CFAP54: variants seen among roughly 807,000 people sequenced by gnomAD.
CFAP54 encodes the protein cilia and flagella associated protein 54, also known as cilia- and flagella-associated protein 54.
A neutral mutation model predicts 370.4 loss-of-function variants in CFAP54; 290 were observed. That is an observed-to-expected ratio of 0.78 (90% CI 0.71 to 0.86). CFAP54 has a LOEUF of 0.86. Ranked by LOEUF, CFAP54 falls within the 40% of genes least tolerant of loss-of-function variation. The pLI, the probability that CFAP54 is intolerant of heterozygous loss-of-function variation, is 0.00. For missense variants in CFAP54, 3,399 were observed against 3,528.7 expected (o/e 0.96, Z 0.93); for synonymous variants, 1,206 against 1,236.5 (o/e 0.98, Z 0.52).
At chr12:96,775,183 G>A (rs34470) in intron 60 of CFAP54, among the ~76,000 whole-genome samples, 82,695 of 151,734 alleles carry the variant, frequency 0.55, 22,789 homozygotes, top group South Asian at 0.64. Flanking sequence ...TAATCCTGAC[G>A]CTTTGGGAAG....
At chr12:96,676,149 T>C (rs1160248961) in intron 39 of CFAP54, among the ~76,000 whole-genome samples, 2 of 152,168 alleles carry the variant, frequency 1.3e-5, no homozygotes, top group Non-Finnish European at 2.9e-5. Context: ...GCTTACTCCA[T>C]GACAGGCTCT....
At chr12:96,567,020 C>T (rs1327660718) in intron 19 of CFAP54, among the ~76,000 whole-genome samples, 1 of 152,084 alleles carries the variant, frequency 6.6e-6, no homozygotes, top group East Asian at 1.9e-4. Context: ...GAGTACCTAA[C>T]TCAATAGTGG....
intron 33 of CFAP54, chr12:96,645,291 C>A (rs1956775633): frequency 2.5e-6 from 1 of 394,202 alleles, no homozygotes; most frequent in East Asian, 7.3e-5. Context: ...CACAAGCATT[C>A]TTATACACCA....
intron 66 of CFAP54, among the ~76,000 whole-genome samples, chr12:96,859,572 A>AT: frequency 1.3e-5 from 2 of 152,034 alleles, no homozygotes; most frequent in South Asian, 4.2e-4. Flanking sequence ...TGCCTGGTTA[A>AT]TTTTTTGTAT....
intron 26 of CFAP54, among the ~76,000 whole-genome samples, chr12:96,611,668 TA>T (rs1956359983): frequency 6.6e-6 from 1 of 152,152 alleles, no homozygotes; most frequent in Non-Finnish European, 1.5e-5. Flanking sequence ...CTAACTAGAA[TA>T]ACCAGTGTAG....
Position 96,689,644 on chromosome 12 carries a change from A to G in CFAP54, c.6081+662A>G, listed in dbSNP as rs1289392862. Among the ~76,000 whole-genome samples the G allele has an allele frequency of 1.5e-4, 23 of 152,140 alleles. 1 individual carries two copies. The highest frequency in any genetic ancestry group is 1.3e-3 in the Admixed American group (20 of 15,260). On this transcript the variant is annotated intron_variant, in intron 43 of 67. Coordinates refer to ENST00000524981, the MANE Select transcript of CFAP54 (RefSeq NM_001306084.2). Reference sequence around the variant, plus strand: ...TCTCTAAATTCAGTTTTGCTTGGTTATATGATATAAAATCTATCTTATGAT... The same window carrying G: ...TCTCTAAATTCAGTTTTGCTTGGTTGTATGATATAAAATCTATCTTATGAT...
At chr12:96,567,621 TA>T in intron 19 of CFAP54, among the ~76,000 whole-genome samples, 1 of 152,306 alleles carries the variant, frequency 6.6e-6, no homozygotes, top group Non-Finnish European at 1.5e-5. Context: ...GTCCTATTTT[TA>T]TGGCAAATAA....
At chr12:96,681,319 T>C (rs562493308) in intron 40 of CFAP54, among the ~76,000 whole-genome samples, 65 of 152,142 alleles carry the variant, frequency 4.3e-4, no homozygotes, top group South Asian at 3.3e-3. Flanking sequence ...CCCTAGAATA[T>C]AGATTTTTCT....
intron 32 of CFAP54, among the ~76,000 whole-genome samples, chr12:96,638,275 C>T (rs867223709): frequency 7.0e-6 from 1 of 143,016 alleles, no homozygotes; most frequent in Non-Finnish European, 1.5e-5. Flanking sequence ...TTTTGGTTAT[C>T]CAGGCTGGAG....
At chr12:96,756,382 A>T in intron 56 of CFAP54, 76 bp from the exon 57 acceptor site, 1 of 783,236 alleles carries the variant, frequency 1.3e-6, no homozygotes, top group Non-Finnish European at 2.0e-6. Flanking sequence ...CTGAATTTCC[A>T]GCATGAAATA....
chr12:96,588,959 G>A (rs1411193675), intron 22 of CFAP54, among the ~76,000 whole-genome samples: 1 of 152,100 alleles, frequency 6.6e-6, no homozygotes, highest in African/African-American at 2.4e-5. Context: ...TGAACTTTTT[G>A]TTGCACAGAA....
At chr12:96,585,503 C>T (rs1956068635) in intron 22 of CFAP54, among the ~76,000 whole-genome samples, 1 of 152,124 alleles carries the variant, frequency 6.6e-6, no homozygotes, top group Admixed American at 6.5e-5. Flanking sequence ...TTGTAATCTA[C>T]CTTCCATTCC....
chr12:96,634,044 A>ATTTTTTTTTTT (rs1238845346), intron 32 of CFAP54, among the ~76,000 whole-genome samples: 5 of 85,348 alleles, frequency 5.9e-5, no homozygotes, highest in South Asian at 4.2e-4. Context: ...GATAGCGAAC[A>ATTTTTTTTTTT]TCTTTTTTTT....
chr12:96,772,758 T>C (rs553992626), intron 60 of CFAP54, among the ~76,000 whole-genome samples: 2 of 152,272 alleles, frequency 1.3e-5, no homozygotes, highest in East Asian at 3.9e-4. Context: ...TAGCTGGGAT[T>C]ACAGGCACCC....
chr12:96,858,465 C>A (rs1332644272), intron 66 of CFAP54, among the ~76,000 whole-genome samples: 2 of 152,098 alleles, frequency 1.3e-5, no homozygotes, highest in African/African-American at 4.8e-5. Context: ...CTTATAGTTT[C>A]TTTTGCTATG....
At chr12:96,738,050 T>G (rs1958001619) in intron 50 of CFAP54, among the ~76,000 whole-genome samples, 1 of 151,584 alleles carries the variant, frequency 6.6e-6, no homozygotes, top group Non-Finnish European at 1.5e-5. Flanking sequence ...AGGGCAAGAG[T>G]CATGGCAGAA....
chr12:96,671,925 A>G (rs1957150969), intron 39 of CFAP54, among the ~76,000 whole-genome samples: 1 of 152,010 alleles, frequency 6.6e-6, no homozygotes, highest in African/African-American at 2.4e-5. Flanking sequence ...TCTTATCTCA[A>G]AAAAGAGAGA....
chr12:96,731,721 G>T (rs1957920651), intron 50 of CFAP54, among the ~76,000 whole-genome samples: 1 of 152,024 alleles, frequency 6.6e-6, no homozygotes, highest in African/African-American at 2.4e-5. Context: ...TTCAATATTT[G>T]GGGGAGCTCT....
chr12:96,642,457 C>T (rs1174575510), intron 32 of CFAP54, among the ~76,000 whole-genome samples: 1 of 152,144 alleles, frequency 6.6e-6, no homozygotes, highest in African/African-American at 2.4e-5. Context: ...TCTATCTAAA[C>T]ATATCTATCT....
Sources: allele counts gnomAD v4.1 joint callset (sites outside exome capture counted in the v4.1 genomes callset), GRCh38; gene constraint gnomAD v4.1.1; transcripts MANE v1.5; gene names NCBI Gene and HGNC (gene_info 2026-07-23, HGNC 2026-07-21).